Variants in LZTS1 observed in about 807,000 individuals in gnomAD.
LZTS1 encodes leucine zipper putative tumor suppressor 1.
Under a neutral mutation model 45.8 loss-of-function variants are expected in LZTS1, and 31 were observed. The ratio of observed to expected loss-of-function variants is 0.68; its 90% CI spans 0.51 to 0.91. LZTS1 has a LOEUF of 0.91. LZTS1 is among the 40% of genes least tolerant of loss of function. LZTS1 has a pLI of 0.00. For missense variants in LZTS1, 821 were observed against 788.9 expected, an observed-to-expected ratio of 1.04 and a Z score of -0.49; for synonymous variants, 359 against 357.3, an observed-to-expected ratio of 1.00 and a Z score of -0.05.
In LZTS1 at chr8:20,249,636, G is replaced by C. The variant is rs1585270879; in HGVS notation, c.*86C>G. On this transcript the variant is annotated 3_prime_UTR_variant, in exon 4 of 4. Transcript: ENST00000381569. ...CCCAGGGAGTGGCGTCTCTCAGAGG[G>C]GTCTGAATTGCTGAGCAGGGGGGAT... The C allele has an allele frequency of 6.7e-7, 1 of 1,488,488 alleles. No individual in the cohort carries two copies. Among genetic ancestry groups the C allele is most frequent in the East Asian group, 2.3e-5 (1 of 43,900 alleles). The allele number at this position is 1,488,488 out of a possible 1,614,324, so 92.2% of individuals were successfully genotyped here.
chr8:20,286,538 C>G (rs1036039730), intron 1 of LZTS1, among the ~76,000 whole-genome samples: 4 of 152,318 alleles, frequency 2.6e-5, no homozygotes, highest in Non-Finnish European at 4.4e-5. Context: ...AAGTGAAACT[C>G]TCATACACCA....
chr8:20,283,581 T>A (rs4922151), intron 1 of LZTS1, among the ~76,000 whole-genome samples: 1 of 152,032 alleles, frequency 6.6e-6, no homozygotes, highest in Non-Finnish European at 1.5e-5. Context: ...GCAGTTTACA[T>A]GGAGAGCCAT....
At chr8:20,259,504 C>T (rs149068309) in intron 1 of LZTS1, among the ~76,000 whole-genome samples, 51 of 152,340 alleles carry the variant, frequency 3.3e-4, no homozygotes, top group African/African-American at 9.6e-4. Context: ...TCATCAGACA[C>T]ATCTGAAGCG....
chr8:20,260,472 C>T (rs888989870), intron 1 of LZTS1, among the ~76,000 whole-genome samples: 2 of 152,154 alleles, frequency 1.3e-5, no homozygotes. Flanking sequence ...GATTCGAACC[C>T]AGGCCCAAAT....
At chr8:20,259,655 C>A (rs1800183853) in intron 1 of LZTS1, among the ~76,000 whole-genome samples, 1 of 152,182 alleles carries the variant, frequency 6.6e-6, no homozygotes, top group African/African-American at 2.4e-5. Context: ...CATACGAAGT[C>A]TTGACCCATC....
intron 1 of LZTS1, among the ~76,000 whole-genome samples, chr8:20,268,170 A>ACCCCCC (rs1800399455): frequency 2.8e-5 from 1 of 35,386 alleles, no homozygotes; most frequent in African/African-American, 9.2e-5. Context: ...CCCCACCCCC[A>ACCCCCC]CCCCCACCCC....
intron 3 of LZTS1, among the ~76,000 whole-genome samples, chr8:20,251,203 C>G (rs1276197092): frequency 2.1e-5 from 3 of 144,966 alleles, no homozygotes; most frequent in Non-Finnish European, 3.0e-5. Context: ...TCACTATACC[C>G]CATTGCCACC....
At chr8:20,282,722 C>G (rs1800717739) in intron 1 of LZTS1, among the ~76,000 whole-genome samples, 1 of 152,210 alleles carries the variant, frequency 6.6e-6, no homozygotes, top group African/African-American at 2.4e-5. Context: ...ACTCACTCCC[C>G]TTTTCCACCA....
In LZTS1 at chr8:20,249,931, C is replaced by T. The variant is rs1347994758; in HGVS notation, c.1582G>A (p.Glu528Lys). ...TTCTCCTCCTTCCACACGAGCCGCT[C>T]ATGCTGGAAGCCCGAGGACATCTGG... is the stretch of plus-strand genomic sequence containing the variant. ...HDQMSSGFQH[E>K]RLVWKEEKEK... Residue 528 changes from glutamate to lysine, a missense_variant, in exon 4 of 4, where the codon GAG (glutamate) becomes AAG (lysine). Coordinates refer to ENST00000381569, the MANE Select transcript of LZTS1 (RefSeq NM_021020.5). 1 of 1,614,080 alleles carries T rather than the reference C, an allele frequency of 6.2e-7. No homozygotes were observed. The highest frequency in any genetic ancestry group is 8.5e-7 in the Non-Finnish European group (1 of 1,180,038).
chr8:20,250,327 G>C lies in LZTS1; in HGVS notation c.1186C>G (p.Gln396Glu). Residue 396 changes from glutamine to glutamate, a missense_variant, in exon 4 of 4, where the codon CAG (glutamine) becomes GAG (glutamate). By Grantham distance (29) the Gln-to-Glu change is conservative. Coordinates refer to ENST00000381569, the MANE Select transcript of LZTS1 (RefSeq NM_021020.5). ...QKSGEISLLK[Q>E]QLKESQTEVN... ...TCCGTCTGGGACTCCTTCAGCTGCT[G>C]CTTCAGGAGGGAGATCTCGCCTGAC... 6.2e-7 allele frequency: 1 copy of C among 1,610,024 alleles called. No homozygotes were observed. The highest frequency in any genetic ancestry group is 8.5e-7 in the Non-Finnish European group (1 of 1,177,480).
At chr8:20,286,002 T>C (rs1282879614) in intron 1 of LZTS1, among the ~76,000 whole-genome samples, 1 of 152,216 alleles carries the variant, frequency 6.6e-6, no homozygotes, top group Non-Finnish European at 1.5e-5. Flanking sequence ...CACACGAATA[T>C]TTCCAGATGA....
At chr8:20,287,066 T>C (rs1200264703) in intron 1 of LZTS1, among the ~76,000 whole-genome samples, 4 of 139,968 alleles carry the variant, frequency 2.9e-5, no homozygotes, top group African/African-American at 1.3e-4. Context: ...TCTGCATGTA[T>C]ATTATACTTC....
At chr8:20,292,355 T>G (rs1280877027) in intron 1 of LZTS1, among the ~76,000 whole-genome samples, 1 of 152,256 alleles carries the variant, frequency 6.6e-6, no homozygotes, top group Non-Finnish European at 1.5e-5. Context: ...TATGGGTAGC[T>G]AGCCCTGCTG....
At chr8:20,291,625 T>C (rs1178434439) in intron 1 of LZTS1, among the ~76,000 whole-genome samples, 2 of 148,854 alleles carry the variant, frequency 1.3e-5, no homozygotes, top group Admixed American at 6.8e-5. Flanking sequence ...CCATCTGCGA[T>C]TGAGCACCCT....
chr8:20,293,693 G>A (rs1439672380), intron 1 of LZTS1, among the ~76,000 whole-genome samples: 2 of 152,184 alleles, frequency 1.3e-5, no homozygotes, highest in Non-Finnish European at 2.9e-5. Context: ...AGCACTTTGG[G>A]AGGTTGGACT....
intron 1 of LZTS1, among the ~76,000 whole-genome samples, chr8:20,264,194 T>A (rs1800302594): frequency 6.6e-6 from 1 of 152,250 alleles, no homozygotes; most frequent in South Asian, 2.1e-4. Flanking sequence ...TTCGACCTTT[T>A]ATTTGATACT....
intron 1 of LZTS1, among the ~76,000 whole-genome samples, chr8:20,260,250 A>G (rs4922144): frequency 0.39 from 59,739 of 151,964 alleles, 12,600 homozygotes; most frequent in South Asian, 0.48. Context: ...TTTAATTGAG[A>G]CAGAGTCTCA....
Position 20,303,833 on chromosome 8 carries a change from G to A in LZTS1, c.-228C>T, listed in dbSNP as rs1801125736. ...CTCTCTTTTTCCAGAGCTGCTGAGC[G>A]GGCCGGGCCGGTCCCACTGCGCGGG... On this transcript the variant is annotated 5_prime_UTR_variant, in exon 1 of 4. Coordinates refer to ENST00000381569, the MANE Select transcript of LZTS1 (RefSeq NM_021020.5). 4 of 985,074 alleles carry A rather than the reference G, an allele frequency of 4.1e-6. No individual in the cohort carries two copies. Among genetic ancestry groups the A allele is most frequent in the Non-Finnish European group, 4.8e-6 (4 of 829,812 alleles). The allele number at this position is 985,074 out of a possible 1,614,324, so 61.0% of individuals were successfully genotyped here.
At chr8:20,250,589 T>C (rs1454735784) in intron 3 of LZTS1, among the ~76,000 whole-genome samples, 1 of 152,222 alleles carries the variant, frequency 6.6e-6, no homozygotes, top group East Asian at 1.9e-4. Context: ...AATAATCATG[T>C]ATAATGACAC....
Sources: gnomAD v4.1 joint callset for allele counts (sites outside exome capture counted in the v4.1 genomes callset) on GRCh38, gnomAD v4.1.1 for gene constraint, MANE v1.5 for transcripts, NCBI Gene and HGNC (gene_info 2026-07-23, HGNC 2026-07-21) for gene names.